Variants in ALG10B observed in about 807,000 individuals in gnomAD.
ALG10B encodes ALG10 alpha-1,2-glucosyltransferase B.
A neutral mutation model predicts 38.7 loss-of-function variants in ALG10B; 27 were observed. That is an observed-to-expected ratio of 0.70 (90% confidence interval 0.51 to 0.96). The LOEUF is 0.96. ALG10B is among the 40% of genes least tolerant of loss of function. The pLI is 0.00. For synonymous variants in ALG10B, 177 were observed against 193.3 expected (o/e 0.92, Z 0.70); for missense variants, 522 against 542.7 (o/e 0.96, Z 0.38).
rs765169568 is a variant in ALG10B, at chr12:38,323,881, T to C, written c.*2668T>C. 7.1e-6 allele frequency: 5 copies of C among 701,538 alleles called. No individual in the cohort carries two copies. In the South Asian group the frequency reaches 7.4e-5, roughly 10 times the overall value. The allele number at this position is 701,538 out of a possible 1,614,324, so 43.5% of individuals were successfully genotyped here. A position where few individuals can be genotyped will look rare whatever the true frequency, so the allele number is the denominator to read the frequency against. On this transcript the variant is annotated 3_prime_UTR_variant, in exon 3 of 3. Transcript: ENST00000308742. The stretch of plus-strand genomic sequence containing the variant: ...AATTTAGGGAAAGTAACTTTTTGTC[T>C]GATAATATTAATGCAAGGATTTTGT...
rs1054385340 is a variant in ALG10B at position 38,320,953 on chromosome 12, T to G, written c.1162T>G (p.Leu388Val). 1 of 1,613,580 alleles carries G rather than the reference T, an allele frequency of 6.2e-7. No homozygotes were observed. The highest frequency in any genetic ancestry group is 1.7e-5 in the Admixed American group (1 of 59,948). ...TGCTGGTTGGAGTATAGCTGACTCA[T>G]TGAAATCAAAGCCAATTTTTTGGAA... ...IFAGWSIADS[L>V]KSKPIFWNLM... Residue 388 changes from leucine to valine, a missense_variant, in exon 3 of 3, where the codon TTG becomes GTG. Physicochemically the swap from Leu to Val is conservative, Grantham distance 32 (BLOSUM62 1). Transcript: ENST00000308742.
At position 38,324,448 on chromosome 12, in the gene ALG10B, A is replaced by G. The variant is rs561362321; in HGVS notation, c.*3235A>G. ...ACATTTTTTATAAAATACATAAAAT[A>G]TAGTACTTGGCATTTTAAGAAAAGA... is the stretch of plus-strand genomic sequence containing the variant. On this transcript the variant is annotated 3_prime_UTR_variant, in exon 3 of 3. Coordinates refer to ENST00000308742, the MANE Select transcript of ALG10B (RefSeq NM_001013620.4). 5 of 152,756 alleles carry G rather than the reference A, an allele frequency of 3.3e-5. No homozygotes were observed. Among genetic ancestry groups the G allele is most frequent in the Non-Finnish European group, 7.3e-5 (5 of 68,320 alleles). 9.5% of individuals were successfully genotyped at this position (152,756 alleles called of 1,614,324 possible).
chr12:38,325,946 C>T lies in ALG10B; in HGVS notation c.*4733C>T, dbSNP rs112888023. 3.0e-3 allele frequency: 449 copies of T among 152,100 alleles called. 3 individuals are homozygous for T. Among genetic ancestry groups the T allele is most frequent in the African/African-American group, 0.01 (420 of 41,510 alleles). The allele number at this position is 152,100 out of a possible 1,614,324, so 9.4% of individuals were successfully genotyped here. A position where few individuals can be genotyped will look rare whatever the true frequency, so the allele number is the denominator to read the frequency against. ...TATAGAGTGAAGTGAATAGAAAAAA[C>T]ATCCTACATAACCGTGGCTAATTTT... On this transcript the variant is annotated 3_prime_UTR_variant, in exon 3 of 3. Coordinates refer to ENST00000308742, the MANE Select transcript of ALG10B (RefSeq NM_001013620.4).
rs1170847076 is a variant in ALG10B, at chr12:38,325,392, A to G, written c.*4179A>G. On this transcript the variant is annotated 3_prime_UTR_variant, in exon 3 of 3. Transcript: ENST00000308742. ...GAACTTAATTGCCACTTGGCTTGAT[A>G]TTATTTTCCTTAGAATTGTTGGAAG... The G allele has an allele frequency of 6.6e-6, 1 of 152,176 alleles. No individual in the cohort carries two copies. The highest frequency in any genetic ancestry group is 1.5e-5 in the Non-Finnish European group (1 of 68,002). 9.4% of individuals were successfully genotyped at this position (152,176 alleles called of 1,614,324 possible). A position where few individuals can be genotyped will look rare whatever the true frequency, so the allele number is the denominator to read the frequency against.
intron 2 of ALG10B, 43 bp from the exon 3 acceptor site, chr12:38,320,118 T>A (rs1239724596): frequency 6.2e-7 from 1 of 1,609,946 alleles, no homozygotes; most frequent in Non-Finnish European, 8.5e-7. Flanking sequence ...GAAATAGCAT[T>A]TATCATTAAA....
At chr12:38,317,168 C>A (rs1198099920) in intron 1 of ALG10B, 104 bp downstream of exon 1, 74 of 1,523,812 alleles carry the variant, frequency 4.9e-5, no homozygotes, top group East Asian at 4.1e-4. Context: ...TTCCACCCCA[C>A]CCCAGCCTCA....
rs763984719 is a variant in ALG10B, at chr12:38,320,413, G to C, written c.622G>C (p.Ala208Pro). ...TGTCATTGCACAAAAGTTAACTGAG[G>C]CTTGGAAAACTGAGCTACAAAAGAA... ...GNVIAQKLTE[A>P]WKTELQKKED... Residue 208 changes from alanine (A) to proline (P), a missense_variant, in exon 3 of 3, where the codon GCT becomes CCT. Physicochemically the swap from Ala to Pro is conservative, Grantham distance 27. Transcript: ENST00000308742. The C allele has an allele frequency of 1.2e-6, 2 of 1,614,064 alleles. No homozygotes were observed. The highest frequency in any genetic ancestry group is 1.6e-4 in the Middle Eastern group (1 of 6,062).
At chr12:38,318,515 T>A in intron 2 of ALG10B, 57 bp downstream of exon 2, 1 of 1,487,720 alleles carries the variant, frequency 6.7e-7, no homozygotes, top group Non-Finnish European at 9.4e-7. Context: ...ACAATTACAA[T>A]GAATTAGTTT....
At position 38,320,520 on chromosome 12, in the gene ALG10B, C is replaced by G; in HGVS notation, c.729C>G (p.Ser243=). The G allele has an allele frequency of 6.2e-7, 1 of 1,614,054 alleles. No homozygotes were observed. Among genetic ancestry groups the G allele is most frequent in the Non-Finnish European group, 8.5e-7 (1 of 1,179,954 alleles). Reference sequence around the variant, plus strand: ...AGTTTCTTTTGGCTTATTCCATGTCCTTTAAAAACTTGAGTATGCTTTTCT... The same window carrying G: ...AGTTTCTTTTGGCTTATTCCATGTCGTTTAAAAACTTGAGTATGCTTTTCT... ...ILQFLLAYSM[S]FKNLSMLFCL... is the part of the protein sequence containing the mutation. Residue 243 remains serine, a synonymous_variant, in exon 3 of 3, where the codon TCC becomes TCG. Transcript: ENST00000308742.
In ALG10B at chr12:38,320,842, A is replaced by C; in HGVS notation, c.1051A>C (p.Asn351His). The C allele has an allele frequency of 6.2e-7, 1 of 1,613,682 alleles. No individual in the cohort carries two copies. The change falls in exon 3 of 3, where the codon AAT becomes CAT. Residue 351 changes from asparagine (N) to histidine (H), a missense_variant. Physicochemically the swap from Asn to His is moderately conservative, Grantham distance 68 (BLOSUM62 1). Transcript: ENST00000308742. ...TGCTCATAAATACTTGCTAGCAGAC[A>C]ATAGACATTATACTTTCTATGTGTG... Reference protein sequence around the residue: ...TYAHKYLLADNRHYTFYVWKR... With the variant: ...TYAHKYLLADHRHYTFYVWKR...
rs1248607432 is a variant in ALG10B, at chr12:38,326,612, G to A, written c.*5399G>A. On this transcript the variant is annotated 3_prime_UTR_variant, in exon 3 of 3. Transcript: ENST00000308742. Reference sequence around the variant, plus strand: ...CGAATAACAGGTTAAAGAATTTAAAGGTAAAAGACATTTCAACTAATTACA... The same window carrying A: ...CGAATAACAGGTTAAAGAATTTAAAAGTAAAAGACATTTCAACTAATTACA... 2.0e-5 allele frequency: 3 copies of A among 149,338 alleles called. No individual in the cohort carries two copies. Among genetic ancestry groups the A allele is most frequent in the Non-Finnish European group, 3.0e-5 (2 of 67,554 alleles). 9.3% of individuals were successfully genotyped at this position (149,338 alleles called of 1,614,324 possible). A position where few individuals can be genotyped will look rare whatever the true frequency, so the allele number is the denominator to read the frequency against.
Position 38,326,718 on chromosome 12 carries a change from A to C in ALG10B, c.*5505A>C, listed in dbSNP as rs1945747768. On this transcript the variant is annotated 3_prime_UTR_variant, in exon 3 of 3. Transcript: ENST00000308742. The stretch of plus-strand genomic sequence containing the variant: ...ATTATTTTTTATATAGGGCATTTTT[A>C]TGTATTTAATGTTGACAACTGACGT... The C allele has an allele frequency of 6.6e-6, 1 of 151,870 alleles. No individual in the cohort carries two copies. The highest frequency in any genetic ancestry group is 2.4e-5 in the African/African-American group (1 of 41,402). The allele number at this position is 151,870 out of a possible 1,614,324, so 9.4% of individuals were successfully genotyped here.
chr12:38,324,176 G>T lies in ALG10B; in HGVS notation c.*2963G>T. The T allele has an allele frequency of 2.4e-6, 1 of 422,410 alleles. No individual in the cohort carries two copies. Among genetic ancestry groups the T allele is most frequent in the Non-Finnish European group, 4.2e-6 (1 of 236,160 alleles). 26.2% of individuals were successfully genotyped at this position (422,410 alleles called of 1,614,324 possible). A position where few individuals can be genotyped will look rare whatever the true frequency, so the allele number is the denominator to read the frequency against. On this transcript the variant is annotated 3_prime_UTR_variant, in exon 3 of 3. Coordinates refer to ENST00000308742, the MANE Select transcript of ALG10B (RefSeq NM_001013620.4). Reference sequence around the variant, plus strand: ...GCCTCCCGAGTAGCTGAGATTATAGGCGCCCACCACCAAGCCTGGCTAATT... The same window carrying T: ...GCCTCCCGAGTAGCTGAGATTATAGTCGCCCACCACCAAGCCTGGCTAATT...
Position 38,321,297 on chromosome 12 carries a change from G to A in ALG10B, c.*84G>A. ...AACAACTGAATAGGTGGAAAACATG[G>A]AATTTCTTTTAGGTGCAGTGGTGGT... On this transcript the variant is annotated 3_prime_UTR_variant, in exon 3 of 3. Coordinates refer to ENST00000308742, the MANE Select transcript of ALG10B (RefSeq NM_001013620.4). 7.0e-7 allele frequency: 1 copy of A among 1,431,234 alleles called. No individual in the cohort carries two copies. Among genetic ancestry groups the A allele is most frequent in the Non-Finnish European group, 9.5e-7 (1 of 1,053,412 alleles). 88.7% of individuals were successfully genotyped at this position (1,431,234 alleles called of 1,614,324 possible). A position where few individuals can be genotyped will look rare whatever the true frequency, so the allele number is the denominator to read the frequency against.
rs1341108258 is a variant in ALG10B at position 38,322,575 on chromosome 12, A to G, written c.*1362A>G. The G allele has an allele frequency of 6.6e-6, 1 of 152,218 alleles. No homozygotes were observed. The highest frequency in any genetic ancestry group is 2.4e-5 in the African/African-American group (1 of 41,456). The allele number at this position is 152,218 out of a possible 1,614,324, so 9.4% of individuals were successfully genotyped here. A position where few individuals can be genotyped will look rare whatever the true frequency, so the allele number is the denominator to read the frequency against. On this transcript the variant is annotated 3_prime_UTR_variant, in exon 3 of 3. Transcript: ENST00000308742. ...TGGGATGATTAAATAAAGCTAATCT[A>G]TCCATCACCTCAAATATTTGACATA...
At position 38,316,790 on chromosome 12, in the gene ALG10B, A is replaced by T; in HGVS notation, c.-104A>T. On this transcript the variant is annotated 5_prime_UTR_variant, in exon 1 of 3. Coordinates refer to ENST00000308742, the MANE Select transcript of ALG10B (RefSeq NM_001013620.4). ...TTCCGGTATGTGGCCCCGTCTGGCT[A>T]GTCCTGTCTAGCGCGCCCATTTCGA... The T allele has an allele frequency of 6.3e-7, 1 of 1,588,110 alleles. No individual in the cohort carries two copies. Among genetic ancestry groups the T allele is most frequent in the South Asian group, 1.1e-5 (1 of 90,134 alleles).
rs919919153 is a variant in ALG10B at position 38,325,003 on chromosome 12, A to G, written c.*3790A>G. The G allele has an allele frequency of 4.6e-5, 7 of 152,192 alleles. No homozygotes were observed. The highest frequency in any genetic ancestry group is 1.3e-4 in the Admixed American group (2 of 15,278). 9.4% of individuals were successfully genotyped at this position (152,192 alleles called of 1,614,324 possible). On this transcript the variant is annotated 3_prime_UTR_variant, in exon 3 of 3. Transcript: ENST00000308742. ...TCCATAAATCATTATAGGTTCAGTA[A>G]TACATCATTTTGAACTGATTCTATC...
chr12:38,323,623 G>T lies in ALG10B; in HGVS notation c.*2410G>T. The T allele has an allele frequency of 2.8e-6, 1 of 359,230 alleles. No homozygotes were observed. Among genetic ancestry groups the T allele is most frequent in the Non-Finnish European group, 5.1e-6 (1 of 197,782 alleles). The allele number at this position is 359,230 out of a possible 1,614,324, so 22.3% of individuals were successfully genotyped here. On this transcript the variant is annotated 3_prime_UTR_variant, in exon 3 of 3. Transcript: ENST00000308742. ...TTTACAAATATAAAATTGTGTGCAGGTGAAAATTACAAGTATAATTTGAGT... is the reference window on the plus strand; with the variant it reads ...TTTACAAATATAAAATTGTGTGCAGTTGAAAATTACAAGTATAATTTGAGT...
intron 1 of ALG10B, chr12:38,317,287 C>T: frequency 1.4e-6 from 1 of 699,742 alleles, no homozygotes; most frequent in Non-Finnish European, 2.3e-6. Flanking sequence ...GAGGAGTGAT[C>T]TGGGAGAATA....
Sources: gnomAD v4.1 joint callset for allele counts on GRCh38, gnomAD v4.1.1 for gene constraint, MANE v1.5 for transcripts, NCBI Gene and HGNC (gene_info 2026-07-23, HGNC 2026-07-21) for gene names.